Variants in CHD2 observed in about 807,000 individuals in gnomAD.
CHD2 encodes the protein chromodomain helicase DNA binding protein 2, also known as ATP-dependent chromatin remodeler CHD2.
CHD2 carries 28 observed loss-of-function variants against 243.9 expected under a neutral mutation model. The observed-to-expected ratio is 0.11, with a 90% CI of 0.09 to 0.16. CHD2 has a LOEUF of 0.16. Ranked by LOEUF, CHD2 falls within the 10% of genes least tolerant of loss-of-function variation. The pLI, the probability that CHD2 is intolerant of heterozygous loss-of-function variation, is 1.00. For missense variants in CHD2, 1,386 were observed against 2,209.8 expected, an observed-to-expected ratio of 0.63 and a Z score of 7.47; for synonymous variants, 775 against 779.0, an observed-to-expected ratio of 0.99 and a Z score of 0.09.
chr15:92,986,905 A>AT (rs918389363), intron 26 of CHD2, among the ~76,000 whole-genome samples: 3 of 148,608 alleles, frequency 2.0e-5, no homozygotes, highest in South Asian at 2.1e-4. Flanking sequence ...CTAATTAAAA[A>AT]TTTTTTTTTT....
intron 37 of CHD2, among the ~76,000 whole-genome samples, 170 bp from the exon 38 acceptor site, chr15:93,019,842 G>A (rs186879995): frequency 3.9e-5 from 6 of 152,008 alleles, no homozygotes; most frequent in South Asian, 2.1e-4. Flanking sequence ...GCTGAGGCAC[G>A]AGAATCGCTT....
intron 13 of CHD2, chr15:92,949,357 T>C: frequency 1.8e-6 from 1 of 557,154 alleles, no homozygotes; most frequent in African/African-American, 2.0e-5. Context: ...ATGTTACTCA[T>C]GAGTGTATAT....
chr15:92,952,280 G>A (rs1435903900), intron 13 of CHD2, among the ~76,000 whole-genome samples: 5 of 152,098 alleles, frequency 3.3e-5, no homozygotes, highest in Admixed American at 1.3e-4. Context: ...AACCTTTTTG[G>A]CACTAGGGAC....
At chr15:93,011,762 G>C (rs767578357) in intron 35 of CHD2, among the ~76,000 whole-genome samples, 1 of 152,156 alleles carries the variant, frequency 6.6e-6, no homozygotes, top group Non-Finnish European at 1.5e-5. Context: ...TGGAATTGGA[G>C]GGAAAAAGCC....
Position 92,985,692 on chromosome 15 carries a change from C to G in CHD2, c.3413+19C>G, listed in dbSNP as rs1210680058. ...TCCGAAGGTTGGTGGAGGCTCTGTT[C>G]TCACTGAGCTTGTTTGAAAGTGCGT... is the stretch of plus-strand genomic sequence containing the variant. On this transcript the variant is annotated intron_variant, in intron 26 of 38. Coordinates refer to ENST00000394196, the MANE Select transcript of CHD2 (RefSeq NM_001271.4). The G allele has an allele frequency of 1.3e-6, 2 of 1,598,282 alleles. No homozygotes were observed. The highest frequency in any genetic ancestry group is 8.5e-7 in the Non-Finnish European group (1 of 1,173,378).
intron 32 of CHD2, 97 bp from the exon 33 acceptor site, chr15:93,002,080 G>A: frequency 1.4e-6 from 2 of 1,477,490 alleles, no homozygotes; most frequent in Non-Finnish European, 1.8e-6. Flanking sequence ...AGTATAGACA[G>A]TGATGAACCA....
At position 92,939,975 on chromosome 15, in the gene CHD2, G is replaced by A. The variant is rs1378324432; in HGVS notation, c.692+257G>A. The stretch of plus-strand genomic sequence containing the variant: ...CCACAAGTTCGTGTCCTGTCCAATG[G>A]TGACTTAGTGGCATTATCTTCATTT... On this transcript the variant is annotated intron_variant, in intron 7 of 38. Transcript: ENST00000394196. 3.9e-5 allele frequency among the ~76,000 whole-genome samples: 6 copies of A among 152,136 alleles called. No homozygotes were observed. The East Asian group carries it at 5.8e-4, about 15-fold the overall frequency.
chr15:92,905,988 A>G (rs545259214), intron 2 of CHD2, among the ~76,000 whole-genome samples: 1 of 152,364 alleles, frequency 6.6e-6, no homozygotes, highest in African/African-American at 2.4e-5. Flanking sequence ...GGGTCAAAGT[A>G]GTCAACATTG....
At chr15:92,996,199 T>C (rs1036551937) in intron 28 of CHD2, among the ~76,000 whole-genome samples, 2 of 147,292 alleles carry the variant, frequency 1.4e-5, no homozygotes, top group African/African-American at 2.5e-5. Context: ...TCGCTCCATC[T>C]CCAAGGCTGG....
intron 2 of CHD2, chr15:92,904,470 C>T (rs559497900): frequency 1.0e-6 from 1 of 989,658 alleles, no homozygotes; most frequent in Admixed American, 6.1e-5. Flanking sequence ...CCTCCCCCTA[C>T]CCAGGGAGCC....
At chr15:92,911,567 G>A (rs544851132) in intron 2 of CHD2, among the ~76,000 whole-genome samples, 3 of 152,150 alleles carry the variant, frequency 2.0e-5, no homozygotes, top group South Asian at 2.1e-4. Context: ...GTGAAACCCT[G>A]TGTCTACTAA....
In CHD2 at chr15:92,978,266, T is replaced by C; in HGVS notation, c.2610T>C (p.Gly870=). 1 of 1,614,194 alleles carries C rather than the reference T, an allele frequency of 6.2e-7. No individual in the cohort carries two copies. The highest frequency in any genetic ancestry group is 2.2e-5 in the East Asian group (1 of 44,892). ...GTTTCCTGCTCTCGACAAGGGCTGG[T>C]GGCCTGGGAATCAATTTGGCTTCAG... ...DFCFLLSTRA[G]GLGINLASAD... is the part of the protein sequence containing the mutation. The change falls in exon 21 of 39, where the codon GGT becomes GGC. Residue 870 remains glycine (G), a synonymous_variant. Transcript: ENST00000394196.
At chr15:92,916,372 G>C (rs1357405704) in intron 2 of CHD2, among the ~76,000 whole-genome samples, 4 of 152,176 alleles carry the variant, frequency 2.6e-5, no homozygotes. Context: ...CCCTAATCTA[G>C]CTGCTGCATT....
intron 31 of CHD2, among the ~76,000 whole-genome samples, chr15:92,999,016 G>T (rs889948887): frequency 6.7e-6 from 1 of 148,604 alleles, no homozygotes; most frequent in Admixed American, 6.7e-5. Flanking sequence ...CCCGGGAGGC[G>T]GAGCTTGCAG....
In CHD2 at chr15:93,009,200, A is replaced by G; in HGVS notation, c.4469A>G (p.Asp1490Gly). ...KKALKQLDKP[D>G]KGLNVQEQLE... ...GCACTGAAACAGCTCGACAAACCTG[A>G]CAAGGGGCTCAACGTGCAAGAACAG... Residue 1490 changes from aspartate to glycine, a missense_variant, in exon 35 of 39, where the codon GAC becomes GGC. By Grantham distance (94) the Asp-to-Gly change is moderately conservative. This residue lies in a region of CHD2 where 42 missense variants were observed against 47.6 expected (regional missense o/e 0.88). Transcript: ENST00000394196. The G allele has an allele frequency of 6.2e-7, 1 of 1,614,244 alleles. No homozygotes were observed. The highest frequency in any genetic ancestry group is 1.1e-5 in the South Asian group (1 of 91,090).
intron 38 of CHD2, among the ~76,000 whole-genome samples, chr15:93,022,825 G>A (rs2054549069): frequency 6.6e-6 from 1 of 152,168 alleles, no homozygotes; most frequent in Non-Finnish European, 1.5e-5. Context: ...AACAGGAGCC[G>A]TTAAAAGGCT....
At chr15:92,904,536 T>C in intron 2 of CHD2, 1 of 999,500 alleles carries the variant, frequency 1.0e-6, no homozygotes, top group Non-Finnish European at 1.2e-6. Flanking sequence ...GTGGGCGGCT[T>C]CTTTCCTGGA....
intron 34 of CHD2, among the ~76,000 whole-genome samples, chr15:93,007,989 C>G (rs566805656): frequency 7.9e-5 from 12 of 152,160 alleles, no homozygotes; most frequent in Non-Finnish European, 1.5e-4. Flanking sequence ...GAGTGGAGGA[C>G]GAAACATGTG....
At chr15:93,021,129 A>G (rs1300152661) in intron 38 of CHD2, 1 of 152,226 alleles carries the variant, frequency 6.6e-6, no homozygotes, top group Non-Finnish European at 1.5e-5. Context: ...GTGTTTGTAT[A>G]TATGCCTGAA....
Sources: gnomAD v4.1 joint callset for allele counts (sites outside exome capture counted in the v4.1 genomes callset) on GRCh38, gnomAD v4.1.1 for gene constraint, gnomAD v4.1.1 regional missense constraint, MANE v1.5 for transcripts, NCBI Gene and HGNC (gene_info 2026-07-23, HGNC 2026-07-21) for gene names.